PTCD1: variants seen among roughly 807,000 people sequenced by gnomAD.
The protein encoded by PTCD1 is pentatricopeptide repeat domain 1.
Under a neutral mutation model 53.4 loss-of-function variants are expected in PTCD1, and 50 were observed. That is an observed-to-expected ratio of 0.94 (90% CI 0.75 to 1.19). The LOEUF (loss-of-function observed/expected upper bound fraction) is 1.19, where lower values mean the gene tolerates loss of function less well. Ranked by LOEUF, PTCD1 falls within the 50% of genes most tolerant of loss-of-function variation. PTCD1 has a pLI of 0.00. For synonymous variants in PTCD1, 413 were observed against 394.8 expected, an observed-to-expected ratio of 1.05 and a Z score of -0.55; for missense variants, 918 against 904.8, an observed-to-expected ratio of 1.01 and a Z score of -0.19.
rs749314992 is a variant in PTCD1, at chr7:99,419,960, G to A, written c.*7C>T. ...GGGCCGAGCACATTGTTCCAGCTGT[G>A]CTCCCATCACCTGCCCCCAAGGGCA... On this transcript the variant is annotated 3_prime_UTR_variant, in exon 8 of 8. Transcript: ENST00000292478. 1.9e-6 allele frequency: 3 copies of A among 1,614,168 alleles called. No homozygotes were observed. The Admixed American group carries it at 5.0e-5, about 27-fold the overall frequency.
At chr7:99,430,824 C>A (rs1216608375) in intron 3 of PTCD1, among the ~76,000 whole-genome samples, 1 of 152,218 alleles carries the variant, frequency 6.6e-6, no homozygotes, top group Non-Finnish European at 1.5e-5. Flanking sequence ...ATAATCCCAG[C>A]ACTTTGGAAG....
chr7:99,433,545 C>T, intron 2 of PTCD1, 127 bp from the exon 3 acceptor site: 2 of 1,556,138 alleles, frequency 1.3e-6, no homozygotes, highest in Admixed American at 1.8e-5. Flanking sequence ...TGACTGCAAA[C>T]CCCCTGGGCC....
rs114420526 is a variant in PTCD1 at position 99,420,345 on chromosome 7, A to G, written c.1921-196T>C. 8.8e-3 allele frequency among the ~76,000 whole-genome samples: 1,340 copies of G among 152,210 alleles called. 20 individuals carry two copies. The highest frequency in any genetic ancestry group is 0.031 in the African/African-American group (1,297 of 41,530). ...TCAGAGAAACAGGTCCCCGCTGGGT[A>G]CCCTGGGGCAGGCCCAGAGCCATCT... On this transcript the variant is annotated intron_variant, in intron 7 of 7. Coordinates refer to ENST00000292478, the MANE Select transcript of PTCD1 (RefSeq NM_015545.4).
Position 99,427,069 on chromosome 7 carries a change from C to T in PTCD1, c.916-1453G>A, listed in dbSNP as rs558886224. On this transcript the variant is annotated intron_variant, in intron 5 of 7. Transcript: ENST00000292478. ...GAGCGTCTCCGCCCGGCAGCCACCC[C>T]GTCCGGGAGGGAGGTGGGGGTCAGC... 3.3e-5 allele frequency among the ~76,000 whole-genome samples: 5 copies of T among 150,644 alleles called. No individual in the cohort carries two copies. The East Asian group carries it at 6.0e-4, about 18-fold the overall frequency.
intron 7 of PTCD1, among the ~76,000 whole-genome samples, chr7:99,420,397 C>T (rs1163447296): frequency 2.6e-5 from 4 of 152,210 alleles, no homozygotes; most frequent in African/African-American, 4.8e-5. Context: ...CCCAAATAGG[C>T]ACCACTGTGC....
intron 7 of PTCD1, among the ~76,000 whole-genome samples, chr7:99,422,265 A>G (rs966547923): frequency 7.9e-5 from 12 of 152,176 alleles, no homozygotes; most frequent in Non-Finnish European, 1.2e-4. Flanking sequence ...TGACACCTGC[A>G]CGGCGTTCCT....
intron 1 of PTCD1, 27 bp from the exon 2 acceptor site, chr7:99,435,295 A>G (rs1233030629): frequency 1.3e-6 from 2 of 1,598,992 alleles, no homozygotes; most frequent in South Asian, 2.2e-5. Flanking sequence ...AAAATAAGAG[A>G]GTCAACTCAG....
chr7:99,428,975 G>T, intron 5 of PTCD1, 128 bp downstream of exon 5: 1 of 1,165,396 alleles, frequency 8.6e-7, no homozygotes, highest in Non-Finnish European at 1.3e-6. Context: ...GTGGCTGCTG[G>T]GTTTTCAGAA....
chr7:99,423,000 CTCT>C (rs1795882865), intron 7 of PTCD1, among the ~76,000 whole-genome samples: 2 of 151,458 alleles, frequency 1.3e-5, no homozygotes, highest in East Asian at 3.9e-4. Context: ...GAGAGCTCTT[CTCT>C]TTTTTTTTTT....
chr7:99,420,238 G>A (rs1043497641), intron 7 of PTCD1, 89 bp from the exon 8 acceptor site: 14 of 1,581,210 alleles, frequency 8.9e-6, no homozygotes, highest in Middle Eastern at 1.7e-4. Flanking sequence ...CAGGGAAGCT[G>A]GTGGCTGCCA....
Position 99,418,778 on chromosome 7 carries a change from G to T in PTCD1, c.*1189C>A, listed in dbSNP as rs1207949757. 6.5e-6 allele frequency: 1 copy of T among 152,828 alleles called. No homozygotes were observed. The highest frequency in any genetic ancestry group is 1.5e-5 in the Non-Finnish European group (1 of 68,508). The allele number at this position is 152,828 out of a possible 1,614,324, so 9.5% of individuals were successfully genotyped here. A position where few individuals can be genotyped will look rare whatever the true frequency, so the allele number is the denominator to read the frequency against. On this transcript the variant is annotated 3_prime_UTR_variant, in exon 8 of 8. Transcript: ENST00000292478. ...CCTGTGGCCAAAACAGCCCGCTGTA[G>T]ACTTACCTGGGTTTCACCAGAGGAT... is the stretch of plus-strand genomic sequence containing the variant.
At chr7:99,430,120 G>A (rs777516275) in intron 3 of PTCD1, among the ~76,000 whole-genome samples, 14 of 152,332 alleles carry the variant, frequency 9.2e-5, no homozygotes, top group Middle Eastern at 3.4e-3. Flanking sequence ...AGGCCACCCC[G>A]TCAAGGGGAA....
In PTCD1 at chr7:99,417,386, T is replaced by C. The variant is rs752571916; in HGVS notation, c.*2581A>G. The C allele has an allele frequency of 3.2e-5, 51 of 1,602,136 alleles. 1 individual carries two copies. In the South Asian group the frequency reaches 5.5e-4, roughly 17 times the overall value. ...TTTTTTGATCAAGGGTGGGGAAGGTTTTTAGACCATGGCCTGATGCTCTTT... is the reference window on the plus strand; with the variant it reads ...TTTTTTGATCAAGGGTGGGGAAGGTCTTTAGACCATGGCCTGATGCTCTTT... On this transcript the variant is annotated 3_prime_UTR_variant, in exon 8 of 8. Coordinates refer to ENST00000292478, the MANE Select transcript of PTCD1 (RefSeq NM_015545.4).
In PTCD1 at chr7:99,417,816, T is replaced by C; in HGVS notation, c.*2151A>G. On this transcript the variant is annotated 3_prime_UTR_variant, in exon 8 of 8. Coordinates refer to ENST00000292478, the MANE Select transcript of PTCD1 (RefSeq NM_015545.4). ...GTCTGGGGTCAATCTCAACTCCACT[T>C]TTGGGCAAATTACTGAACCCCTTTC... 6.7e-7 allele frequency: 1 copy of C among 1,497,168 alleles called. No homozygotes were observed. The highest frequency in any genetic ancestry group is 8.9e-7 in the Non-Finnish European group (1 of 1,126,866). The allele number at this position is 1,497,168 out of a possible 1,614,324, so 92.7% of individuals were successfully genotyped here. A position where few individuals can be genotyped will look rare whatever the true frequency, so the allele number is the denominator to read the frequency against.
chr7:99,429,531 C>A, intron 4 of PTCD1, 57 bp downstream of exon 4: 4 of 1,612,314 alleles, frequency 2.5e-6, no homozygotes, highest in Non-Finnish European at 3.4e-6. Flanking sequence ...ACAGCCCTGC[C>A]CCTGACACGT....
chr7:99,420,956 C>T (rs551308807), intron 7 of PTCD1, among the ~76,000 whole-genome samples: 1 of 150,538 alleles, frequency 6.6e-6, no homozygotes, highest in Non-Finnish European at 1.5e-5. Context: ...CAAAAAAAAA[C>T]AAAAACAAAA....
chr7:99,417,735 TG>T lies in PTCD1; in HGVS notation c.*2231del. On this transcript the variant is annotated 3_prime_UTR_variant, in exon 8 of 8. Coordinates refer to ENST00000292478, the MANE Select transcript of PTCD1 (RefSeq NM_015545.4). ...TCCTGCTGGCTCTCCCTCGTGGGAG[TG>T]GGTCCCTGTATTCAGGAATCCATGT... is the stretch of plus-strand genomic sequence containing the variant. 1 of 1,535,968 alleles carries T rather than the reference TG, an allele frequency of 6.5e-7. No homozygotes were observed. The highest frequency in any genetic ancestry group is 8.7e-7 in the Non-Finnish European group (1 of 1,146,742).
At position 99,417,614 on chromosome 7, in the gene PTCD1, G is replaced by A; in HGVS notation, c.*2353C>T. ...GGAAGTGGTAATGTCTGACACTCAAGCTTGGTGTTGTTTTCAGCTCAAAAT... is the reference window on the plus strand; with the variant it reads ...GGAAGTGGTAATGTCTGACACTCAAACTTGGTGTTGTTTTCAGCTCAAAAT... On this transcript the variant is annotated 3_prime_UTR_variant, in exon 8 of 8. Coordinates refer to ENST00000292478, the MANE Select transcript of PTCD1 (RefSeq NM_015545.4). The A allele has an allele frequency of 6.2e-7, 1 of 1,608,678 alleles. No individual in the cohort carries two copies.
chr7:99,427,830 T>C (rs1193445552), intron 5 of PTCD1, among the ~76,000 whole-genome samples: 1 of 151,910 alleles, frequency 6.6e-6, no homozygotes, highest in East Asian at 1.9e-4. Flanking sequence ...CTCTGAAACA[T>C]GTGCTGTGTC....
Sources: gnomAD v4.1 joint callset for allele counts (sites outside exome capture counted in the v4.1 genomes callset) on GRCh38, gnomAD v4.1.1 for gene constraint, MANE v1.5 for transcripts, NCBI Gene and HGNC (gene_info 2026-07-23, HGNC 2026-07-21) for gene names.